Variants in CLIC5 observed in about 807,000 individuals in gnomAD.
CLIC5 encodes chloride intracellular channel protein 5.
Under a neutral mutation model 24.7 loss-of-function variants are expected in CLIC5, and 20 were observed. That is an observed-to-expected ratio of 0.81 (90% CI 0.57 to 1.18). The LOEUF (loss-of-function observed/expected upper bound fraction) is 1.18, where lower values mean the gene tolerates loss of function less well. Ranked by LOEUF, CLIC5 falls within the 50% of genes most tolerant of loss-of-function variation. CLIC5 has a pLI of 0.00. For missense variants in CLIC5, 341 were observed against 326.1 expected, an observed-to-expected ratio of 1.05 and a Z score of -0.35; for synonymous variants, 159 against 135.6, an observed-to-expected ratio of 1.17 and a Z score of -1.20.
chr6:45,939,217 C>CTTTT (rs34976541), intron 4 of CLIC5, among the ~76,000 whole-genome samples: 3 of 115,788 alleles, frequency 2.6e-5, no homozygotes, highest in Non-Finnish European at 5.1e-5. Context: ...CTCCTCTCCT[C>CTTTT]TTTTTTTTTT....
intron 3 of CLIC5, 61 bp from the exon 4 acceptor site, chr6:45,941,714 C>A (rs1348731836): frequency 5.8e-6 from 7 of 1,216,466 alleles, no homozygotes; most frequent in Non-Finnish European, 8.6e-6. Flanking sequence ...TAAGGGTGAG[C>A]CTATCCCTAT....
intron 4 of CLIC5, among the ~76,000 whole-genome samples, chr6:45,926,839 C>G (rs1297347556): frequency 6.6e-6 from 1 of 152,134 alleles, no homozygotes; most frequent in Non-Finnish European, 1.5e-5. Flanking sequence ...TTCTTGCATT[C>G]TTTTATTGAT....
rs1340742351 is a variant in CLIC5 at position 45,900,933 on chromosome 6, G to T, written c.*2155C>A. ...CTGCAGACTTCTCTGGGGTGGAGTGGCCTCACCGGAGGCTTGGTTCTGTTT... is the reference window on the plus strand; with the variant it reads ...CTGCAGACTTCTCTGGGGTGGAGTGTCCTCACCGGAGGCTTGGTTCTGTTT... On this transcript the variant is annotated 3_prime_UTR_variant, in exon 6 of 6. Transcript: ENST00000339561. The T allele has an allele frequency of 6.6e-6, 1 of 152,138 alleles. No homozygotes were observed. The allele number at this position is 152,138 out of a possible 1,614,324, so 9.4% of individuals were successfully genotyped here. A position where few individuals can be genotyped will look rare whatever the true frequency, so the allele number is the denominator to read the frequency against.
At chr6:46,002,277 C>T (rs2127434032) in intron 1 of CLIC5, among the ~76,000 whole-genome samples, 1 of 152,240 alleles carries the variant, frequency 6.6e-6, no homozygotes, top group East Asian at 1.9e-4. Context: ...CTCTGCCATA[C>T]ATATCTGTAA....
intron 1 of CLIC5, among the ~76,000 whole-genome samples, chr6:45,991,193 CTAAATCAG>C (rs1765924113): frequency 6.6e-6 from 1 of 152,194 alleles, no homozygotes. Flanking sequence ...TTATCAAGGC[CTAAATCAG>C]TTGCTTTTGA....
chr6:45,996,253 G>T (rs1317212560), intron 1 of CLIC5, among the ~76,000 whole-genome samples: 1 of 152,148 alleles, frequency 6.6e-6, no homozygotes, highest in Non-Finnish European at 1.5e-5. Context: ...TTAGCCCTTT[G>T]TCAGATGAGT....
intron 1 of CLIC5, among the ~76,000 whole-genome samples, chr6:46,004,729 C>T (rs1380511181): frequency 6.6e-6 from 1 of 151,934 alleles, no homozygotes; most frequent in Admixed American, 6.5e-5. Flanking sequence ...GATCAGATCC[C>T]TGTTATATTC....
At chr6:46,121,184 A>G in the CLIC5 span, among the ~76,000 whole-genome samples, 2 of 152,232 alleles carry the variant, frequency 1.3e-5, no homozygotes, top group African/African-American at 2.4e-5. Context: ...CCAGAGAGAA[A>G]GGTCGGGTTA....
At chr6:45,946,067 T>C (rs1271876119) in intron 3 of CLIC5, among the ~76,000 whole-genome samples, 1 of 152,214 alleles carries the variant, frequency 6.6e-6, no homozygotes, top group Non-Finnish European at 1.5e-5. Flanking sequence ...GGAGACTATG[T>C]AGTTTCACCC....
At chr6:45,980,566 A>G (rs191122954) in intron 1 of CLIC5, among the ~76,000 whole-genome samples, 15 of 152,158 alleles carry the variant, frequency 9.9e-5, no homozygotes, top group South Asian at 2.1e-4. Context: ...AACAAAAATA[A>G]AAGTTGAAAA....
chr6:45,933,008 C>A (rs1381926778), intron 4 of CLIC5, among the ~76,000 whole-genome samples: 5 of 152,204 alleles, frequency 3.3e-5, no homozygotes, highest in Non-Finnish European at 7.3e-5. Flanking sequence ...CTGAGATAAA[C>A]TCACTGAGGT....
chr6:45,998,882 T>C (rs931189026), intron 1 of CLIC5, among the ~76,000 whole-genome samples: 17 of 152,228 alleles, frequency 1.1e-4, no homozygotes, highest in Non-Finnish European at 2.2e-4. Flanking sequence ...CACAGGTATG[T>C]CCATTTGTTT....
chr6:45,913,839 A>T, intron 5 of CLIC5: 1 of 1,230,264 alleles, frequency 8.1e-7, no homozygotes, highest in Non-Finnish European at 1.0e-6. Flanking sequence ...AATGCATATG[A>T]GGGCACATTT....
intron 1 of CLIC5, among the ~76,000 whole-genome samples, chr6:45,957,434 C>T (rs6921488): frequency 0.073 from 11,080 of 152,072 alleles, 631 homozygotes; most frequent in African/African-American, 0.15. Context: ...GAAACCAGGA[C>T]GAACGCAGGT....
At chr6:45,994,280 T>C (rs1290695453) in intron 1 of CLIC5, among the ~76,000 whole-genome samples, 3 of 152,176 alleles carry the variant, frequency 2.0e-5, no homozygotes, top group Admixed American at 6.6e-5. Context: ...GAAAATGTGG[T>C]ACATATACAC....
At chr6:45,985,964 G>A (rs565609888) in intron 1 of CLIC5, among the ~76,000 whole-genome samples, 55 of 152,142 alleles carry the variant, frequency 3.6e-4, no homozygotes, top group African/African-American at 6.3e-4. Flanking sequence ...GGTCTTTCCC[G>A]TGCTAGTAAA....
At chr6:45,911,493 G>T in intron 5 of CLIC5, 1 of 569,060 alleles carries the variant, frequency 1.8e-6, no homozygotes, top group Non-Finnish European at 2.2e-6. Context: ...GCAAATTCAT[G>T]CAGGAGTGGT....
intron 1 of CLIC5, among the ~76,000 whole-genome samples, chr6:46,009,171 T>A (rs1170049092): frequency 6.6e-6 from 1 of 151,690 alleles, no homozygotes; most frequent in East Asian, 2.0e-4. Flanking sequence ...GGAAGAGTCT[T>A]TGAATCCCCC....
At chr6:46,077,646 G>A (rs537256904) in intron 1 of CLIC5, among the ~76,000 whole-genome samples, 6 of 152,180 alleles carry the variant, frequency 3.9e-5, no homozygotes, top group Admixed American at 1.3e-4. Context: ...TATAACTGCC[G>A]CTCTTTTTAT....
Sources: allele counts gnomAD v4.1 joint callset (sites outside exome capture counted in the v4.1 genomes callset), GRCh38; gene constraint gnomAD v4.1.1; transcripts MANE v1.5; gene names NCBI Gene and HGNC (gene_info 2026-07-23, HGNC 2026-07-21).